Variants in ABCA12 observed in about 807,000 individuals in gnomAD.
ABCA12 encodes ATP binding cassette subfamily A member 12.
A neutral mutation model predicts 293.5 loss-of-function variants in ABCA12; 156 were observed. The observed-to-expected ratio is 0.53, with a 90% CI of 0.47 to 0.61. The LOEUF (loss-of-function observed/expected upper bound fraction) is 0.61. ABCA12 is among the 20% of genes least tolerant of loss of function. ABCA12 has a pLI of 0.00. For synonymous variants in ABCA12, 1,063 were observed against 1,108.0 expected (o/e 0.96, Z 0.81); for missense variants, 2,797 against 3,090.2 (o/e 0.91, Z 2.25).
chr2:215,120,425 T>C (rs1164411339), intron 1 of ABCA12, among the ~76,000 whole-genome samples: 4 of 152,024 alleles, frequency 2.6e-5, no homozygotes, highest in East Asian at 1.9e-4. Flanking sequence ...CTAGTTGGAA[T>C]GGATAATATG....
intron 3 of ABCA12, 42 bp from the exon 4 acceptor site, chr2:215,054,706 T>C (rs1701386754): frequency 2.1e-6 from 3 of 1,458,298 alleles, no homozygotes; most frequent in Non-Finnish European, 2.9e-6. Flanking sequence ...TCTCCCACAT[T>C]AATTTTAGTT....
chr2:215,001,025 A>G lies in ABCA12; in HGVS notation c.2864-5T>C. ...AAGGAAGCTTAAAAATAACACCTAA[A>G]AATAAAATGGCAACAACAGCAGAAA... is the stretch of plus-strand genomic sequence containing the variant. On this transcript the variant is annotated splice_polypyrimidine_tract_variant and splice_region_variant and intron_variant, in intron 21 of 52. Transcript: ENST00000272895. 1.2e-6 allele frequency: 2 copies of G among 1,613,766 alleles called. No homozygotes were observed. The highest frequency in any genetic ancestry group is 1.7e-6 in the Non-Finnish European group (2 of 1,179,850).
intron 1 of ABCA12, among the ~76,000 whole-genome samples, chr2:215,125,236 T>C (rs1041213580): frequency 6.6e-6 from 1 of 152,182 alleles, no homozygotes. Context: ...TCAGGTAGTG[T>C]GATGCCTCCA....
At chr2:215,046,955 T>C (rs956547799) in intron 6 of ABCA12, among the ~76,000 whole-genome samples, 1 of 152,180 alleles carries the variant, frequency 6.6e-6, no homozygotes, top group South Asian at 2.1e-4. Context: ...GTCATTATCC[T>C]CAGCAAACTA....
intron 48 of ABCA12, among the ~76,000 whole-genome samples, chr2:214,947,039 T>C: frequency 6.6e-6 from 1 of 152,164 alleles, no homozygotes; most frequent in Non-Finnish European, 1.5e-5. Context: ...AATGTGAGTT[T>C]ACCTACTCAG....
intron 9 of ABCA12, among the ~76,000 whole-genome samples, chr2:215,027,836 A>G (rs529220289): frequency 3.3e-5 from 5 of 152,194 alleles, no homozygotes; most frequent in Non-Finnish European, 7.3e-5. Flanking sequence ...ATTGACCAAT[A>G]TAAGTTCCTT....
chr2:215,076,188 G>A (rs965676815), intron 2 of ABCA12, among the ~76,000 whole-genome samples: 20 of 151,994 alleles, frequency 1.3e-4, no homozygotes, highest in African/African-American at 3.6e-4. Context: ...TCTGCCAATC[G>A]CAAAGAGACA....
chr2:215,065,176 T>TG (rs1701617160), intron 2 of ABCA12, among the ~76,000 whole-genome samples: 2 of 151,114 alleles, frequency 1.3e-5, no homozygotes. Context: ...CACAATTAGG[T>TG]TTGCTATGAA....
At chr2:215,004,186 A>AC (rs1438240952) in intron 20 of ABCA12, 23 bp downstream of exon 20, 1 of 1,589,906 alleles carries the variant, frequency 6.3e-7, no homozygotes, top group East Asian at 2.2e-5. Context: ...TCATGAATAA[A>AC]AGCTTTGTGA....
Position 214,948,724 on chromosome 2 carries a change from C to T in ABCA12, c.6976G>A (p.Val2326Ile), listed in dbSNP as rs761340026. Residue 2326 changes from valine (V) to isoleucine (I), a missense_variant, in exon 47 of 53, where the codon GTT becomes ATT. Transcript: ENST00000272895. The stretch of plus-strand genomic sequence containing the variant: ...CCAACTAATGAGCTGTGAGAATCAA[C>T]GTGACCCAGAGATCTGAATTGAGAG... Reference protein sequence around the residue: ...IRNKTGSLGHVDSHSSLVGYC... With the variant: ...IRNKTGSLGHIDSHSSLVGYC... The T allele has an allele frequency of 2.4e-5, 39 of 1,613,874 alleles. No individual in the cohort carries two copies. The East Asian group carries it at 6.9e-4, about 29-fold the overall frequency.
chr2:215,107,373 G>A (rs1413308699), intron 2 of ABCA12, among the ~76,000 whole-genome samples: 1 of 152,202 alleles, frequency 6.6e-6, no homozygotes, highest in Non-Finnish European at 1.5e-5. Context: ...TTGACAAGCT[G>A]CTGCATGTGG....
At chr2:215,019,022 T>C (rs976826420) in intron 13 of ABCA12, among the ~76,000 whole-genome samples, 1 of 152,248 alleles carries the variant, frequency 6.6e-6, no homozygotes, top group African/African-American at 2.4e-5. Flanking sequence ...CAAGTAAATT[T>C]CATTGTTGCC....
intron 6 of ABCA12, 37 bp downstream of exon 6, chr2:215,049,589 T>A: frequency 6.3e-7 from 1 of 1,587,088 alleles, no homozygotes; most frequent in Non-Finnish European, 8.6e-7. Context: ...CTTTAATTCA[T>A]GTTGAGTCAC....
intron 2 of ABCA12, among the ~76,000 whole-genome samples, chr2:215,107,374 C>A (rs1162485733): frequency 6.6e-6 from 1 of 152,188 alleles, no homozygotes; most frequent in Non-Finnish European, 1.5e-5. Context: ...TGACAAGCTG[C>A]TGCATGTGGA....
intron 49 of ABCA12, among the ~76,000 whole-genome samples, chr2:214,944,756 C>T (rs1283329434): frequency 6.6e-6 from 1 of 152,008 alleles, no homozygotes; most frequent in East Asian, 1.9e-4. Flanking sequence ...TATATTCTCA[C>T]CATGAAACCT....
chr2:215,075,283 A>T (rs1701813268), intron 2 of ABCA12, among the ~76,000 whole-genome samples: 4 of 152,194 alleles, frequency 2.6e-5, no homozygotes, highest in Admixed American at 2.6e-4. Context: ...CAGAATACCA[A>T]GAAAGATAAT....
intron 23 of ABCA12, among the ~76,000 whole-genome samples, chr2:214,993,545 T>C (rs1400139555): frequency 1.3e-5 from 2 of 152,242 alleles, no homozygotes; most frequent in African/African-American, 4.8e-5. Flanking sequence ...CTACTATTTG[T>C]ATTTTCAGAT....
At chr2:215,120,187 T>C (rs1702775915) in intron 1 of ABCA12, among the ~76,000 whole-genome samples, 1 of 152,058 alleles carries the variant, frequency 6.6e-6, no homozygotes. Flanking sequence ...AACTAAATAC[T>C]CTCTGTTCTC....
intron 38 of ABCA12, among the ~76,000 whole-genome samples, chr2:214,967,703 A>G (rs758294287): frequency 9.2e-5 from 14 of 152,172 alleles, no homozygotes; most frequent in Non-Finnish European, 1.8e-4. Context: ...TACTGTAAAA[A>G]TCAGCTAAAA....
Sources: gnomAD v4.1 joint callset for allele counts (sites outside exome capture counted in the v4.1 genomes callset) on GRCh38, gnomAD v4.1.1 for gene constraint, MANE v1.5 for transcripts, NCBI Gene and HGNC (gene_info 2026-07-23, HGNC 2026-07-21) for gene names.